The following CADPS2 variants were observed in gnomAD, a reference collection of about 807,000 sequenced individuals.
The protein encoded by CADPS2 is calcium dependent secretion activator 2.
CADPS2 carries 93 observed loss-of-function variants against 172.5 expected under a neutral mutation model. The ratio of observed to expected loss-of-function variants is 0.54; its 90% CI spans 0.46 to 0.64. CADPS2 has a LOEUF of 0.64. Ranked by LOEUF, CADPS2 falls within the 30% of genes least tolerant of loss-of-function variation. The pLI, the probability that CADPS2 is intolerant of heterozygous loss-of-function variation, is 0.00. For missense variants in CADPS2, 1,420 were observed against 1,565.9 expected (o/e 0.91, Z 1.57); for synonymous variants, 546 against 555.2 (o/e 0.98, Z 0.23).
chr7:122,508,865 A>G (rs2059816321), intron 9 of CADPS2, among the ~76,000 whole-genome samples: 1 of 152,156 alleles, frequency 6.6e-6, no homozygotes, highest in Non-Finnish European at 1.5e-5. Context: ...ATAATGTGGT[A>G]GTGCTGGCAG....
At chr7:122,645,734 A>G (rs2078477414) in intron 3 of CADPS2, among the ~76,000 whole-genome samples, 1 of 143,552 alleles carries the variant, frequency 7.0e-6, no homozygotes, top group South Asian at 2.2e-4. Context: ...GCGGTAATAA[A>G]GAACAAGTTC....
At chr7:122,779,807 C>T (rs915071896) in intron 1 of CADPS2, among the ~76,000 whole-genome samples, 2 of 152,210 alleles carry the variant, frequency 1.3e-5, no homozygotes, top group Non-Finnish European at 2.9e-5. Flanking sequence ...TCCTCCCCCT[C>T]TCCCTATCAT....
chr7:122,571,656 C>T (rs2067273349), intron 7 of CADPS2, among the ~76,000 whole-genome samples: 1 of 152,148 alleles, frequency 6.6e-6, no homozygotes, highest in African/African-American at 2.4e-5. Flanking sequence ...AAAGAATTTG[C>T]ATCTTATGTG....
intron 1 of CADPS2, among the ~76,000 whole-genome samples, chr7:122,802,101 T>C (rs56029436): frequency 0.016 from 2,446 of 152,232 alleles, 60 homozygotes; most frequent in African/African-American, 0.056. Flanking sequence ...TAAAATCTAT[T>C]TATAAAAGCA....
chr7:122,451,043 C>G (rs993441418), intron 15 of CADPS2, among the ~76,000 whole-genome samples: 2 of 152,152 alleles, frequency 1.3e-5, no homozygotes, highest in Non-Finnish European at 2.9e-5. Context: ...GACTTGAGGG[C>G]TCCTTACCTG....
chr7:122,625,877 A>T (rs2076041241), intron 4 of CADPS2, among the ~76,000 whole-genome samples: 1 of 152,082 alleles, frequency 6.6e-6, no homozygotes, highest in African/African-American at 2.4e-5. Context: ...ATCTACCTAG[A>T]TATTGGTCTA....
At chr7:122,765,705 A>G (rs775758121) in intron 1 of CADPS2, among the ~76,000 whole-genome samples, 4 of 152,154 alleles carry the variant, frequency 2.6e-5, no homozygotes, top group Non-Finnish European at 4.4e-5. Context: ...TCAATAATTG[A>G]CATCCTTGTA....
At chr7:122,530,370 G>C (rs1367442704) in intron 8 of CADPS2, among the ~76,000 whole-genome samples, 2 of 143,210 alleles carry the variant, frequency 1.4e-5, no homozygotes, top group African/African-American at 5.2e-5. Flanking sequence ...CACTCTATCT[G>C]AAAGTAAAAA....
intron 13 of CADPS2, among the ~76,000 whole-genome samples, chr7:122,473,958 G>C (rs2056302430): frequency 6.6e-6 from 1 of 152,108 alleles, no homozygotes; most frequent in Non-Finnish European, 1.5e-5. Context: ...TGCCACTTAG[G>C]TTGTCCTTCT....
chr7:122,324,777 G>A (rs1415599282), intron 29 of CADPS2, among the ~76,000 whole-genome samples: 12 of 152,030 alleles, frequency 7.9e-5, no homozygotes, highest in Non-Finnish European at 1.5e-5. Flanking sequence ...TTTAAGAAAA[G>A]GTTAAACTTG....
At chr7:122,620,289 G>T (rs567601974) in intron 5 of CADPS2, among the ~76,000 whole-genome samples, 2 of 152,226 alleles carry the variant, frequency 1.3e-5, no homozygotes, top group Admixed American at 1.3e-4. Flanking sequence ...TTTACTCACG[G>T]AATAAAAATC....
At chr7:122,496,507 T>A (rs931607288) in intron 9 of CADPS2, among the ~76,000 whole-genome samples, 4 of 152,206 alleles carry the variant, frequency 2.6e-5, no homozygotes, top group African/African-American at 9.7e-5. Flanking sequence ...TCATTTTTAA[T>A]TCATTTTTAA....
At chr7:122,636,609 G>A (rs1253288612) in intron 3 of CADPS2, among the ~76,000 whole-genome samples, 1 of 151,854 alleles carries the variant, frequency 6.6e-6, no homozygotes, top group African/African-American at 2.4e-5. Context: ...GGGATTACAG[G>A]TGCACATCAC....
intron 17 of CADPS2, among the ~76,000 whole-genome samples, chr7:122,422,641 G>A (rs1485588394): frequency 1.3e-5 from 2 of 152,034 alleles, no homozygotes; most frequent in Non-Finnish European, 1.5e-5. Context: ...AATGTTAGAT[G>A]CCTTCTGTTC....
intron 2 of CADPS2, among the ~76,000 whole-genome samples, chr7:122,730,911 CA>C (rs1045749330): frequency 2.0e-5 from 3 of 150,714 alleles, no homozygotes; most frequent in East Asian, 3.9e-4. Flanking sequence ...AGACATTTTG[CA>C]AAAAAAGGCC....
intron 7 of CADPS2, among the ~76,000 whole-genome samples, chr7:122,579,742 C>A (rs968567936): frequency 1.3e-5 from 2 of 151,958 alleles, no homozygotes; most frequent in Admixed American, 6.6e-5. Context: ...GCTACCTGCA[C>A]ACCTTTGTTC....
intron 1 of CADPS2, among the ~76,000 whole-genome samples, chr7:122,846,681 G>A (rs1188143728): frequency 6.6e-6 from 1 of 152,148 alleles, no homozygotes; most frequent in African/African-American, 2.4e-5. Flanking sequence ...TAAGGAGCAA[G>A]GAAGAGTGAA....
chr7:122,723,970 C>A (rs763049965), intron 2 of CADPS2, among the ~76,000 whole-genome samples: 2 of 144,546 alleles, frequency 1.4e-5, no homozygotes, highest in African/African-American at 2.6e-5. Context: ...TAGGTGAGAA[C>A]TGAACAATGA....
intron 3 of CADPS2, among the ~76,000 whole-genome samples, chr7:122,632,484 T>A (rs1201306011): frequency 6.6e-6 from 1 of 152,194 alleles, no homozygotes; most frequent in East Asian, 1.9e-4. Context: ...TTTGCTCATG[T>A]TTTTTGGCCA....
Sources: allele counts gnomAD v4.1 joint callset (sites outside exome capture counted in the v4.1 genomes callset), GRCh38; gene constraint gnomAD v4.1.1; transcripts MANE v1.5; gene names NCBI Gene and HGNC (gene_info 2026-07-23, HGNC 2026-07-21).